The following COL22A1 variants were observed in gnomAD, a reference collection of about 807,000 sequenced individuals.
COL22A1 encodes the protein collagen type XXII alpha 1 chain.
Under a neutral mutation model 248.9 loss-of-function variants are expected in COL22A1, and 221 were observed. The observed-to-expected ratio is 0.89, with a 90% CI of 0.80 to 0.99. The LOEUF (loss-of-function observed/expected upper bound fraction) is 0.99, where lower values mean the gene tolerates loss of function less well. Ranked by LOEUF, COL22A1 falls within the 50% of genes least tolerant of loss-of-function variation. COL22A1 has a pLI of 0.00. For missense variants in COL22A1, 2,240 were observed against 2,179.0 expected, an observed-to-expected ratio of 1.03 and a Z score of -0.56; for synonymous variants, 891 against 793.4, an observed-to-expected ratio of 1.12 and a Z score of -2.07.
At chr8:138,791,755 T>C (rs558743791) in intron 12 of COL22A1, among the ~76,000 whole-genome samples, 1 of 152,228 alleles carries the variant, frequency 6.6e-6, no homozygotes, top group African/African-American at 2.4e-5. Flanking sequence ...GACTCACCTT[T>C]CACCACATTC....
intron 54 of COL22A1, among the ~76,000 whole-genome samples, 159 bp downstream of exon 54, chr8:138,616,755 T>C (rs1308645068): frequency 6.6e-6 from 1 of 152,238 alleles, no homozygotes; most frequent in Non-Finnish European, 1.5e-5. Flanking sequence ...AGCATGGTGC[T>C]TCAAAGGTGT....
chr8:138,604,685 C>T (rs1385445239), intron 59 of COL22A1, 49 bp downstream of exon 59: 3 of 1,559,808 alleles, frequency 1.9e-6, no homozygotes, highest in Admixed American at 1.7e-5. Flanking sequence ...ATAGACTGCC[C>T]ATTGGTGGTA....
chr8:138,614,015 A>G, intron 55 of COL22A1, 95 bp from the exon 56 acceptor site: 1 of 898,944 alleles, frequency 1.1e-6, no homozygotes, highest in South Asian at 1.4e-5. Context: ...TCGCCAAGTT[A>G]CCCAAAGGAA....
intron 27 of COL22A1, among the ~76,000 whole-genome samples, chr8:138,720,264 C>G (rs1829767319): frequency 6.6e-6 from 1 of 152,166 alleles, no homozygotes; most frequent in Non-Finnish European, 1.5e-5. Context: ...TCCTTGCCTT[C>G]TGGCTTTCTG....
chr8:138,794,817 C>A (rs1265307436), intron 12 of COL22A1, among the ~76,000 whole-genome samples: 1 of 152,056 alleles, frequency 6.6e-6, no homozygotes, highest in East Asian at 1.9e-4. Flanking sequence ...TGCAGGAAGA[C>A]AAATACTACA....
At chr8:138,874,784 CA>C (rs1823588318) in intron 3 of COL22A1, among the ~76,000 whole-genome samples, 2 of 152,238 alleles carry the variant, frequency 1.3e-5, no homozygotes, top group Admixed American at 1.3e-4. Context: ...AACAGCCATG[CA>C]AGAGCAGATA....
At chr8:138,763,746 G>A (rs945497148) in intron 16 of COL22A1, among the ~76,000 whole-genome samples, 4 of 152,016 alleles carry the variant, frequency 2.6e-5, no homozygotes, top group African/African-American at 4.8e-5. Flanking sequence ...TATTCCCTCC[G>A]CTGCCTCCCC....
intron 15 of COL22A1, among the ~76,000 whole-genome samples, chr8:138,777,708 T>A (rs1160440734): frequency 6.6e-6 from 1 of 152,236 alleles, no homozygotes; most frequent in Non-Finnish European, 1.5e-5. Flanking sequence ...TTATCCATTT[T>A]TATGGCTGCG....
chr8:138,723,765 T>C (rs1204726937), intron 25 of COL22A1, among the ~76,000 whole-genome samples: 1 of 152,230 alleles, frequency 6.6e-6, no homozygotes, highest in Admixed American at 6.5e-5. Context: ...CAGTACCCTT[T>C]GGCATGCTGC....
At position 138,907,187 on chromosome 8, in the gene COL22A1, G is replaced by C. The variant is rs140323369; in HGVS notation, c.-73+6432C>G. On this transcript the variant is annotated intron_variant, in intron 1 of 64. Transcript: ENST00000303045. Reference sequence around the variant, plus strand: ...CTCCATCACAGTGTGGGGCTCTCCAGCTCATTCCCTAGGGGAGCCTGTGGC... The same window carrying C: ...CTCCATCACAGTGTGGGGCTCTCCACCTCATTCCCTAGGGGAGCCTGTGGC... Among the ~76,000 whole-genome samples, 5 of 152,314 alleles carry C rather than the reference G, an allele frequency of 3.3e-5. No individual in the cohort carries two copies. In the East Asian group the frequency reaches 9.7e-4, roughly 29 times the overall value.
chr8:138,780,155 C>T (rs539387334), intron 13 of COL22A1, among the ~76,000 whole-genome samples: 1 of 152,278 alleles, frequency 6.6e-6, no homozygotes, highest in Admixed American at 6.5e-5. Context: ...AAAACTGGCG[C>T]CACCCTGACG....
intron 16 of COL22A1, among the ~76,000 whole-genome samples, chr8:138,763,203 A>G (rs1176193130): frequency 6.6e-6 from 1 of 152,152 alleles, no homozygotes; most frequent in Non-Finnish European, 1.5e-5. Flanking sequence ...CCTGGCCAAC[A>G]TGGTGAAACC....
chr8:138,720,802 A>T lies in COL22A1; in HGVS notation c.2302-10T>A, dbSNP rs1829813521. The T allele has an allele frequency of 6.2e-7, 1 of 1,610,722 alleles. No homozygotes were observed. The highest frequency in any genetic ancestry group is 1.7e-5 in the Admixed American group (1 of 59,978). On this transcript the variant is annotated splice_polypyrimidine_tract_variant and intron_variant, in intron 26 of 64. Coordinates refer to ENST00000303045, the MANE Select transcript of COL22A1 (RefSeq NM_152888.3). ...TTTCTCCTGGTTCTCCCTGGAAGGAATACAGAGCAAAGTTAACAGGAGACG... is the reference window on the plus strand; with the variant it reads ...TTTCTCCTGGTTCTCCCTGGAAGGATTACAGAGCAAAGTTAACAGGAGACG...
chr8:138,853,037 G>T (rs963954491), intron 3 of COL22A1, among the ~76,000 whole-genome samples: 2 of 151,754 alleles, frequency 1.3e-5, no homozygotes, highest in Non-Finnish European at 2.9e-5. Flanking sequence ...TTAGCAGCAC[G>T]TGGTGATGTG....
intron 47 of COL22A1, 116 bp from the exon 48 acceptor site, chr8:138,636,911 G>T (rs1429818580): frequency 1.4e-5 from 12 of 872,488 alleles, no homozygotes; most frequent in Admixed American, 5.4e-5. Flanking sequence ...CTCTTATCAA[G>T]TTCCTGTGGT....
At chr8:138,756,301 G>T (rs748609915) in intron 18 of COL22A1, among the ~76,000 whole-genome samples, 1 of 152,140 alleles carries the variant, frequency 6.6e-6, no homozygotes, top group South Asian at 2.1e-4. Context: ...AACTAAAAAT[G>T]TGGCACTGCT....
chr8:138,850,504 G>C (rs1821555776), intron 3 of COL22A1, among the ~76,000 whole-genome samples: 1 of 152,188 alleles, frequency 6.6e-6, no homozygotes, highest in Admixed American at 6.5e-5. Flanking sequence ...GAAGAATGAG[G>C]GGTGGGGCTC....
At chr8:138,822,415 C>A (rs1819221365) in intron 6 of COL22A1, among the ~76,000 whole-genome samples, 1 of 152,188 alleles carries the variant, frequency 6.6e-6, no homozygotes, top group Non-Finnish European at 1.5e-5. Context: ...GTCATCCCTC[C>A]AGAATAGTCA....
intron 3 of COL22A1, among the ~76,000 whole-genome samples, chr8:138,876,428 C>T (rs1381801577): frequency 6.6e-6 from 1 of 152,188 alleles, no homozygotes; most frequent in East Asian, 1.9e-4. Context: ...TTCCTGCCTT[C>T]TAGACTATGA....
Sources: gnomAD v4.1 joint callset for allele counts (sites outside exome capture counted in the v4.1 genomes callset) on GRCh38, gnomAD v4.1.1 for gene constraint, MANE v1.5 for transcripts, NCBI Gene and HGNC (gene_info 2026-07-23, HGNC 2026-07-21) for gene names.